Variants in PHF21A observed in about 807,000 individuals in gnomAD.
PHF21A encodes the protein PHD finger protein 21A.
A neutral mutation model predicts 82.5 loss-of-function variants in PHF21A; 11 were observed. The observed-to-expected ratio is 0.13, with a 90% CI of 0.08 to 0.22. The LOEUF is 0.22. Among genes scored for constraint, PHF21A ranks in the 10% least tolerant of loss-of-function variants. The pLI is 1.00. For missense variants in PHF21A, 579 were observed against 837.8 expected, an observed-to-expected ratio of 0.69 and a Z score of 3.81; for synonymous variants, 297 against 302.8, an observed-to-expected ratio of 0.98 and a Z score of 0.20.
chr11:45,992,923 C>G (rs561721904), intron 6 of PHF21A, among the ~76,000 whole-genome samples: 1 of 152,156 alleles, frequency 6.6e-6, no homozygotes, highest in East Asian at 1.9e-4. Context: ...ACCACTGAAC[C>G]GCAGCTACCT....
chr11:46,108,027 T>C (rs2097170748), intron 1 of PHF21A, among the ~76,000 whole-genome samples: 1 of 152,168 alleles, frequency 6.6e-6, no homozygotes, highest in Non-Finnish European at 1.5e-5. Context: ...AGTACTACTT[T>C]GAGTTTCTAT....
At chr11:46,010,866 G>C (rs2095398718) in intron 6 of PHF21A, among the ~76,000 whole-genome samples, 1 of 152,086 alleles carries the variant, frequency 6.6e-6, no homozygotes, top group Non-Finnish European at 1.5e-5. Flanking sequence ...AATTGTTGGG[G>C]GCAATTAAAG....
chr11:46,098,351 A>T (rs1040022592), intron 1 of PHF21A, among the ~76,000 whole-genome samples: 3 of 152,226 alleles, frequency 2.0e-5, no homozygotes, highest in Non-Finnish European at 4.4e-5. Flanking sequence ...AATGTGAGCC[A>T]CACTAGCTAA....
intron 14 of PHF21A, among the ~76,000 whole-genome samples, chr11:45,948,445 A>G (rs1009098225): frequency 6.6e-6 from 1 of 152,198 alleles, no homozygotes; most frequent in African/African-American, 2.4e-5. Context: ...TCCTTCCTGG[A>G]AAGTCTGCAG....
chr11:46,039,115 C>T (rs779773972), intron 6 of PHF21A, among the ~76,000 whole-genome samples: 13 of 152,138 alleles, frequency 8.5e-5, no homozygotes, highest in Non-Finnish European at 1.6e-4. Context: ...ACTCTAAAGA[C>T]TTGACTTTTA....
intron 15 of PHF21A, among the ~76,000 whole-genome samples, chr11:45,940,198 C>CT (rs111757512): frequency 9.4e-4 from 133 of 142,178 alleles, no homozygotes; most frequent in African/African-American, 1.4e-3. Flanking sequence ...TAATCTTTTT[C>CT]TTTTTTTTTT....
chr11:46,037,552 A>C (rs1048157223), intron 6 of PHF21A, among the ~76,000 whole-genome samples: 1 of 151,920 alleles, frequency 6.6e-6, no homozygotes, highest in Non-Finnish European at 1.5e-5. Flanking sequence ...GAGGCAGGAC[A>C]ATCGCTTGAA....
chr11:46,077,628 C>T (rs529017042), intron 5 of PHF21A, among the ~76,000 whole-genome samples: 10 of 152,276 alleles, frequency 6.6e-5, no homozygotes, highest in East Asian at 1.9e-4. Context: ...ACATCTTCCT[C>T]GTCTATTAAA....
intron 1 of PHF21A, among the ~76,000 whole-genome samples, chr11:46,108,581 A>G (rs2097177179): frequency 7.2e-6 from 1 of 137,962 alleles, no homozygotes; most frequent in African/African-American, 2.6e-5. Flanking sequence ...ATATATATAT[A>G]TATATAAAAT....
At chr11:46,118,832 A>C (rs1852137755) in intron 1 of PHF21A, 1 of 152,226 alleles carries the variant, frequency 6.6e-6, no homozygotes, top group Non-Finnish European at 1.5e-5. Context: ...AAACTTAAAA[A>C]AGGAAGGAGG....
At chr11:46,045,442 T>C (rs2096242754) in intron 6 of PHF21A, among the ~76,000 whole-genome samples, 1 of 152,174 alleles carries the variant, frequency 6.6e-6, no homozygotes, top group Non-Finnish European at 1.5e-5. Context: ...AGAGAGGTTG[T>C]CTGATCCAGT....
chr11:46,102,431 T>C (rs962577027), intron 1 of PHF21A, among the ~76,000 whole-genome samples: 1 of 152,222 alleles, frequency 6.6e-6, no homozygotes, highest in Non-Finnish European at 1.5e-5. Context: ...AAGATCAATA[T>C]ATAATAAGGC....
intron 6 of PHF21A, among the ~76,000 whole-genome samples, chr11:46,015,796 GACA>G (rs1424933861): frequency 6.6e-6 from 1 of 152,114 alleles, no homozygotes; most frequent in Non-Finnish European, 1.5e-5. Flanking sequence ...GGTCTTCACA[GACA>G]ACAACATCCA....
chr11:45,957,751 CAAAAAAAAAAA>C, intron 10 of PHF21A, among the ~76,000 whole-genome samples: 2 of 60,894 alleles, frequency 3.3e-5, no homozygotes, highest in Non-Finnish European at 6.7e-5. Context: ...AAATTCAAAG[CAAAAAAAAAAA>C]AAAAAAAGAA....
intron 6 of PHF21A, among the ~76,000 whole-genome samples, chr11:46,009,269 C>T (rs2095364273): frequency 6.6e-6 from 1 of 152,126 alleles, no homozygotes; most frequent in Non-Finnish European, 1.5e-5. Context: ...CCACTGCGCC[C>T]GGCCATTAGT....
chr11:45,982,333 GGGGAAAAATT>G (rs2094333958), intron 6 of PHF21A, among the ~76,000 whole-genome samples: 1 of 151,980 alleles, frequency 6.6e-6, no homozygotes, highest in African/African-American at 2.4e-5. Flanking sequence ...CCAATTTTGG[GGGGAAAAATT>G]CTGCTATGCA....
chr11:45,951,460 G>C (rs765856510), intron 11 of PHF21A, among the ~76,000 whole-genome samples: 2 of 152,216 alleles, frequency 1.3e-5, no homozygotes, highest in Non-Finnish European at 2.9e-5. Flanking sequence ...TTCAAAAACT[G>C]AGATGGGCAC....
chr11:45,965,036 G>C (rs558593405), intron 10 of PHF21A, among the ~76,000 whole-genome samples: 1 of 152,318 alleles, frequency 6.6e-6, no homozygotes, highest in South Asian at 2.1e-4. Context: ...GAGGGCAGCA[G>C]AGCCTGTCTG....
At chr11:46,037,189 CAA>C (rs1407142371) in intron 6 of PHF21A, among the ~76,000 whole-genome samples, 1 of 152,058 alleles carries the variant, frequency 6.6e-6, no homozygotes, top group African/African-American at 2.4e-5. Context: ...ACATCCCTAC[CAA>C]AAAACTTTCA....
Sources: allele counts gnomAD v4.1 joint callset (sites outside exome capture counted in the v4.1 genomes callset), GRCh38; gene constraint gnomAD v4.1.1; transcripts MANE v1.5; gene names NCBI Gene and HGNC (gene_info 2026-07-23, HGNC 2026-07-21).